The following KLHL18 variants were observed in gnomAD, a reference collection of about 807,000 sequenced individuals.
KLHL18 encodes kelch like family member 18.
A neutral mutation model predicts 58.5 loss-of-function variants in KLHL18; 38 were observed. The ratio of observed to expected loss-of-function variants is 0.65; its 90% CI spans 0.50 to 0.85. The LOEUF (loss-of-function observed/expected upper bound fraction) is 0.85. Ranked by LOEUF, KLHL18 falls within the 40% of genes least tolerant of loss-of-function variation. The pLI, the probability that KLHL18 is intolerant of heterozygous loss-of-function variation, is 0.00. For synonymous variants in KLHL18, 303 were observed against 301.9 expected, an observed-to-expected ratio of 1.00 and a Z score of -0.04; for missense variants, 624 against 778.4, an observed-to-expected ratio of 0.80 and a Z score of 2.36.
At chr3:47,310,110 A>G (rs1703264119) in intron 1 of KLHL18, among the ~76,000 whole-genome samples, 1 of 152,190 alleles carries the variant, frequency 6.6e-6, no homozygotes, top group Non-Finnish European at 1.5e-5. Flanking sequence ...TACTCTGGGT[A>G]TATCTTTTAC....
chr3:47,285,122 A>G (rs979715679), intron 1 of KLHL18, among the ~76,000 whole-genome samples: 7 of 152,138 alleles, frequency 4.6e-5, no homozygotes, highest in African/African-American at 2.4e-5. Flanking sequence ...CCTTTTCATC[A>G]TTCTAAACCC....
chr3:47,324,212 GC>G (rs892816478), intron 3 of KLHL18, among the ~76,000 whole-genome samples: 61 of 149,994 alleles, frequency 4.1e-4, no homozygotes, highest in African/African-American at 1.3e-3. Flanking sequence ...TCGTTTGTGA[GC>G]TTTTTAAGAC....
intron 7 of KLHL18, among the ~76,000 whole-genome samples, chr3:47,339,252 T>C (rs1215014758): frequency 6.6e-6 from 1 of 151,920 alleles, no homozygotes; most frequent in Non-Finnish European, 1.5e-5. Context: ...GCCAGCACTT[T>C]GGGAGGCTAA....
intron 3 of KLHL18, among the ~76,000 whole-genome samples, chr3:47,326,896 G>A (rs1703736219): frequency 6.6e-6 from 1 of 151,162 alleles, no homozygotes; most frequent in Non-Finnish European, 1.5e-5. Flanking sequence ...ACTCCAGCCT[G>A]GGCAACAAGA....
At chr3:47,315,349 T>C (rs187151889) in intron 1 of KLHL18, among the ~76,000 whole-genome samples, 219 of 152,138 alleles carry the variant, frequency 1.4e-3, no homozygotes, top group African/African-American at 5.1e-3. Context: ...TCTCAGGAGA[T>C]AGGAAGTTTA....
chr3:47,333,429 C>G, intron 5 of KLHL18, 112 bp downstream of exon 5: 2 of 1,045,478 alleles, frequency 1.9e-6, no homozygotes, highest in Non-Finnish European at 2.7e-6. Context: ...CAGTCTAATT[C>G]ATGGCACACA....
intron 4 of KLHL18, among the ~76,000 whole-genome samples, chr3:47,331,873 G>A (rs1029797414): frequency 3.3e-5 from 5 of 152,124 alleles, no homozygotes; most frequent in Admixed American, 1.3e-4. Context: ...TGGAATAAGT[G>A]AGGACAGTCT....
chr3:47,345,487 G>T lies in KLHL18; in HGVS notation c.*1546G>T, dbSNP rs1031926012. 6 of 152,670 alleles carry T rather than the reference G, an allele frequency of 3.9e-5. No homozygotes were observed. Among genetic ancestry groups the T allele is most frequent in the African/African-American group, 1.4e-4 (6 of 41,470 alleles). The allele number at this position is 152,670 out of a possible 1,614,324, so 9.5% of individuals were successfully genotyped here. On this transcript the variant is annotated 3_prime_UTR_variant, in exon 10 of 10. Transcript: ENST00000232766. ...GCAAATGACCTTTACCTTTTGGAAA[G>T]ATTTCATATTGCTTCCTCCTCCCTG...
chr3:47,320,683 C>G (rs1703564684), intron 2 of KLHL18, among the ~76,000 whole-genome samples: 1 of 152,080 alleles, frequency 6.6e-6, no homozygotes, highest in Non-Finnish European at 1.5e-5. Flanking sequence ...TTTGGGAGGT[C>G]AAGGCGGGAG....
rs1253960489 is a variant in KLHL18, at chr3:47,346,459, T to A, written c.*2518T>A. On this transcript the variant is annotated 3_prime_UTR_variant, in exon 10 of 10. Coordinates refer to ENST00000232766, the MANE Select transcript of KLHL18 (RefSeq NM_025010.5). ...CTCTTTGGTGTTGGAGCCTTTCCAA[T>A]AGCCCCATGAAAAGAAGCATCACCC... The A allele has an allele frequency of 1.3e-5, 2 of 152,640 alleles. No homozygotes were observed. Among genetic ancestry groups the A allele is most frequent in the South Asian group, 2.1e-4 (1 of 4,832 alleles). 9.5% of individuals were successfully genotyped at this position (152,640 alleles called of 1,614,324 possible).
chr3:47,323,629 A>G (rs570521294), intron 3 of KLHL18, among the ~76,000 whole-genome samples: 29 of 152,318 alleles, frequency 1.9e-4, no homozygotes, highest in Middle Eastern at 3.4e-3. Context: ...GCTCTTAGTC[A>G]TAAGGTAAAG....
chr3:47,318,946 C>T (rs1703519605), intron 1 of KLHL18, among the ~76,000 whole-genome samples: 1 of 152,214 alleles, frequency 6.6e-6, no homozygotes. Context: ...CTGTTTTGCT[C>T]TTCCTGGAGA....
In KLHL18 at chr3:47,343,844, T is replaced by C. The variant is rs967157885; in HGVS notation, c.1628T>C (p.Met543Thr). Residue 543 changes from methionine (M) to threonine (T), a missense_variant, in exon 10 of 10, where the codon ATG (methionine) becomes ACG (threonine). Coordinates refer to ENST00000232766, the MANE Select transcript of KLHL18 (RefSeq NM_025010.5). The part of the protein sequence containing the change: ...DGQSNLSSVE[M>T]YDPETDCWTF... ...CAGTCAAACCTAAGCTCAGTGGAGATGTATGACCCAGAGACAGACTGCTGG... is the reference window on the plus strand; with the variant it reads ...CAGTCAAACCTAAGCTCAGTGGAGACGTATGACCCAGAGACAGACTGCTGG... 6.2e-6 allele frequency: 10 copies of C among 1,614,174 alleles called. No homozygotes were observed. Among genetic ancestry groups the C allele is most frequent in the Non-Finnish European group, 7.6e-6 (9 of 1,180,038 alleles).
rs761800923 is a variant in KLHL18, at chr3:47,282,954, C to G, written c.-12C>G. The G allele has an allele frequency of 6.2e-7, 1 of 1,606,110 alleles. No individual in the cohort carries two copies. The highest frequency in any genetic ancestry group is 1.3e-5 in the African/African-American group (1 of 74,916). ...GCCGGCGAGGCCTGCGCAGTTGCAG[C>G]GGCCGGGGAAGATGGTGGAGGACGG... On this transcript the variant is annotated 5_prime_UTR_variant, in exon 1 of 10. Transcript: ENST00000232766.
intron 1 of KLHL18, 51 bp downstream of exon 1, chr3:47,283,145 A>T: frequency 1.6e-6 from 2 of 1,262,208 alleles, no homozygotes; most frequent in Non-Finnish European, 2.1e-6. Context: ...TCGAGCGGGG[A>T]GTAAAAAGGG....
chr3:47,302,759 A>G (rs780571971), intron 1 of KLHL18, among the ~76,000 whole-genome samples: 1 of 152,106 alleles, frequency 6.6e-6, no homozygotes, highest in Non-Finnish European at 1.5e-5. Flanking sequence ...TTCTCCAAAC[A>G]TTTTTCTATA....
intron 4 of KLHL18, among the ~76,000 whole-genome samples, chr3:47,332,818 A>C (rs1025923174): frequency 1.3e-5 from 2 of 152,086 alleles, no homozygotes; most frequent in Admixed American, 6.6e-5. Context: ...GAACCAGCCC[A>C]GCCTTGCCGG....
chr3:47,324,286 T>TTTTC (rs1349558715), intron 3 of KLHL18, among the ~76,000 whole-genome samples: 13 of 141,172 alleles, frequency 9.2e-5, no homozygotes, highest in Middle Eastern at 3.5e-3. Flanking sequence ...CCTTTTTTCT[T>TTTTC]TTTCTTTCTT....
At chr3:47,307,489 T>C (rs1016035800) in intron 1 of KLHL18, among the ~76,000 whole-genome samples, 7 of 152,132 alleles carry the variant, frequency 4.6e-5, no homozygotes, top group African/African-American at 1.7e-4. Flanking sequence ...AGACCTACAA[T>C]ATTTTCTTCC....
Sources: gnomAD v4.1 joint callset for allele counts (sites outside exome capture counted in the v4.1 genomes callset) on GRCh38, gnomAD v4.1.1 for gene constraint, MANE v1.5 for transcripts, NCBI Gene and HGNC (gene_info 2026-07-23, HGNC 2026-07-21) for gene names.